Variants in INSR observed in about 807,000 individuals in gnomAD.
INSR encodes insulin receptor.
Under a neutral mutation model 142.6 loss-of-function variants are expected in INSR, and 67 were observed. That is an observed-to-expected ratio of 0.47 (90% confidence interval 0.39 to 0.58). The LOEUF is 0.58. Ranked by LOEUF, INSR falls within the 20% of genes least tolerant of loss-of-function variation. INSR has a pLI of 0.00. For synonymous variants in INSR, 756 were observed against 743.1 expected (o/e 1.02, Z -0.28); for missense variants, 1,248 against 1,833.2 (o/e 0.68, Z 5.83).
chr19:7,144,560 T>A (rs1973145036), intron 11 of INSR, among the ~76,000 whole-genome samples: 1 of 152,070 alleles, frequency 6.6e-6, no homozygotes, highest in Non-Finnish European at 1.5e-5. Flanking sequence ...TCCGCCACCA[T>A]GCCCAGCTAA....
chr19:7,244,522 G>C (rs1311001384), intron 2 of INSR, among the ~76,000 whole-genome samples: 1 of 104,786 alleles, frequency 9.5e-6, no homozygotes, highest in Non-Finnish European at 1.8e-5. Flanking sequence ...GACAGGGCGA[G>C]ACTCTGTCTC....
intron 2 of INSR, among the ~76,000 whole-genome samples, chr19:7,241,650 G>C (rs1048314177): frequency 1.3e-5 from 2 of 151,992 alleles, no homozygotes; most frequent in Non-Finnish European, 2.9e-5. Context: ...AAATCAGCTG[G>C]GCATGGTGGC....
intron 2 of INSR, among the ~76,000 whole-genome samples, chr19:7,255,841 A>C (rs900193429): frequency 6.6e-6 from 1 of 151,954 alleles, no homozygotes; most frequent in African/African-American, 2.4e-5. Context: ...GGCCTCCCAA[A>C]GTGCTGGGTT....
In INSR at chr19:7,184,612, G is replaced by T; in HGVS notation, c.678C>A (p.His226Gln). The T allele has an allele frequency of 6.2e-7, 1 of 1,612,360 alleles. No homozygotes were observed. Among genetic ancestry groups the T allele is most frequent in the Non-Finnish European group, 8.5e-7 (1 of 1,179,804 alleles). The stretch of plus-strand genomic sequence containing the variant: ...AACAGAGGCCTTCGGCGGTGCAGCC[G>T]TGTGACTTACAGATGGTCGGGCAAA... ...QKVCPTICKSHGCTAEGLCCH... is the reference protein window; with the variant it reads ...QKVCPTICKSQGCTAEGLCCH... The change falls in exon 3 of 22, where the codon CAC becomes CAA. Residue 226 changes from histidine (H) to glutamine (Q), a missense_variant. Around this residue, in one of 3 missense-constraint regions of INSR, gnomAD observed 1,069 missense variants for 1,654.0 expected, o/e 0.65. Coordinates refer to ENST00000302850, the MANE Select transcript of INSR (RefSeq NM_000208.4).
Position 7,293,898 on chromosome 19 carries a change from G to C in INSR, c.-7C>G. 2 of 1,213,178 alleles carry C rather than the reference G, an allele frequency of 1.6e-6. No homozygotes were observed. The highest frequency in any genetic ancestry group is 2.0e-6 in the Non-Finnish European group (2 of 980,996). The allele number at this position is 1,213,178 out of a possible 1,614,324, so 75.2% of individuals were successfully genotyped here. A position where few individuals can be genotyped will look rare whatever the true frequency, so the allele number is the denominator to read the frequency against. Reference sequence around the variant, plus strand: ...GCCGGCCCCCGGTGGCCATGGCTGCGGGAGCGCGGGGTCTCCTCGGATCAG... The same window carrying C: ...GCCGGCCCCCGGTGGCCATGGCTGCCGGAGCGCGGGGTCTCCTCGGATCAG... On this transcript the variant is annotated 5_prime_UTR_variant, in exon 1 of 22. Coordinates refer to ENST00000302850, the MANE Select transcript of INSR (RefSeq NM_000208.4).
At chr19:7,153,923 G>T (rs1973517711) in intron 9 of INSR, among the ~76,000 whole-genome samples, 2 of 152,156 alleles carry the variant, frequency 1.3e-5, no homozygotes, top group Admixed American at 1.3e-4. Flanking sequence ...CACTTTGGGA[G>T]GCTGAGGTAG....
chr19:7,264,913 G>T (rs1244458952), intron 2 of INSR, among the ~76,000 whole-genome samples: 1 of 152,132 alleles, frequency 6.6e-6, no homozygotes, highest in Non-Finnish European at 1.5e-5. Flanking sequence ...CTCATGCTGG[G>T]GGCTCCAAGG....
At chr19:7,149,866 CGGAG>C (rs1281093029) in intron 11 of INSR, among the ~76,000 whole-genome samples, 1 of 136,302 alleles carries the variant, frequency 7.3e-6, no homozygotes, top group African/African-American at 2.8e-5. Flanking sequence ...GAGGGACGGA[CGGAG>C]GGAGAGAGGG....
At chr19:7,136,879 T>C (rs1972941751) in intron 13 of INSR, among the ~76,000 whole-genome samples, 1 of 148,132 alleles carries the variant, frequency 6.8e-6, no homozygotes, top group South Asian at 2.1e-4. Context: ...TCACCCAGGC[T>C]GGAGTGCAGT....
At chr19:7,180,371 A>AT (rs1427945998) in intron 3 of INSR, among the ~76,000 whole-genome samples, 1 of 150,986 alleles carries the variant, frequency 6.6e-6, no homozygotes, top group Non-Finnish European at 1.5e-5. Flanking sequence ...ACACTACAGA[A>AT]TTTTTTTTTA....
At chr19:7,184,663 G>GGAAATAAAT (rs1555746888) in intron 2 of INSR, 26 bp from the exon 3 acceptor site, 43 of 962,650 alleles carry the variant, frequency 4.5e-5, no homozygotes, top group African/African-American at 3.0e-4. Flanking sequence ...GAGAGAGAGG[G>GGAAATAAAT]AAATAAATAA....
At chr19:7,220,734 G>T (rs4804101) in intron 2 of INSR, among the ~76,000 whole-genome samples, 51,637 of 151,988 alleles carry the variant, frequency 0.34, 10,295 homozygotes, top group Non-Finnish European at 0.44. Flanking sequence ...CTTAGCACAG[G>T]GTCTAGTATT....
intron 9 of INSR, among the ~76,000 whole-genome samples, chr19:7,158,068 A>G (rs993277362): frequency 1.4e-5 from 2 of 148,056 alleles, no homozygotes; most frequent in African/African-American, 5.0e-5. Context: ...TATTATTATT[A>G]TTATTATTAT....
At chr19:7,207,415 TCAAAACAAAA>T (rs887233293) in intron 2 of INSR, among the ~76,000 whole-genome samples, 4 of 151,354 alleles carry the variant, frequency 2.6e-5, no homozygotes, top group Admixed American at 2.6e-4. Flanking sequence ...AGACTCCATC[TCAAAACAAAA>T]CAAAACAAAA....
At chr19:7,120,842 A>G in intron 19 of INSR, 93 bp from the exon 20 acceptor site, 1 of 1,542,876 alleles carries the variant, frequency 6.5e-7, no homozygotes, top group Non-Finnish European at 8.9e-7. Context: ...GAGCCCTAAG[A>G]GGGGTTCACC....
At chr19:7,176,089 G>A (rs115298747) in intron 3 of INSR, among the ~76,000 whole-genome samples, 5,368 of 152,236 alleles carry the variant, frequency 0.035, 334 homozygotes, top group African/African-American at 0.12. Flanking sequence ...TCTACCCTGT[G>A]CGTGACAGCA....
chr19:7,179,079 G>GT (rs371576257), intron 3 of INSR, among the ~76,000 whole-genome samples: 1 of 152,062 alleles, frequency 6.6e-6, no homozygotes, highest in South Asian at 2.1e-4. Flanking sequence ...CCTGGCTAAT[G>GT]TTTTTAAATT....
In INSR at chr19:7,159,638, G is replaced by A. The variant is rs766554153; in HGVS notation, c.2029+3394C>T. On this transcript the variant is annotated intron_variant, in intron 9 of 21. Coordinates refer to ENST00000302850, the MANE Select transcript of INSR (RefSeq NM_000208.4). This position sits in a 1 kb window ranked among gnomAD's most constrained non-coding sequence, Gnocchi z 4.3. ...CAGCTTACAGCGGAGCTGATGACTGGACTCGCCCTGGAGTTATATAAAGCA... is the reference window on the plus strand; with the variant it reads ...CAGCTTACAGCGGAGCTGATGACTGAACTCGCCCTGGAGTTATATAAAGCA... 15 of 152,118 alleles carry A rather than the reference G, an allele frequency of 9.9e-5. No homozygotes were observed. Among genetic ancestry groups the A allele is most frequent in the Non-Finnish European group, 2.1e-4 (14 of 68,050 alleles). 9.4% of individuals were successfully genotyped at this position (152,118 alleles called of 1,614,324 possible). A position where few individuals can be genotyped will look rare whatever the true frequency, so the allele number is the denominator to read the frequency against.
Position 7,190,929 on chromosome 19 carries a change from A to G in INSR, c.653-6292T>C, listed in dbSNP as rs550579648. On this transcript the variant is annotated intron_variant, in intron 2 of 21. Transcript: ENST00000302850. ...AATTGGCATGACTTAGTAATTCTAC[A>G]ATGTAAACAGATATCAAAACATCAC... 2.0e-5 allele frequency among the ~76,000 whole-genome samples: 3 copies of G among 152,350 alleles called. No individual in the cohort carries two copies. In the South Asian group the frequency reaches 6.2e-4, roughly 32 times the overall value.
Sources: gnomAD v4.1 joint callset for allele counts (sites outside exome capture counted in the v4.1 genomes callset) on GRCh38, gnomAD v4.1.1 for gene constraint, gnomAD v4.1.1 regional missense constraint, Gnocchi (gnomAD v3.1) non-coding constraint, MANE v1.5 for transcripts, NCBI Gene and HGNC (gene_info 2026-07-23, HGNC 2026-07-21) for gene names.